Variants in EFCAB5 observed in about 807,000 individuals in gnomAD.
EFCAB5 encodes EF-hand calcium binding domain 5.
EFCAB5 carries 131 observed loss-of-function variants against 167.9 expected under a neutral mutation model. The observed-to-expected ratio is 0.78, with a 90% CI of 0.68 to 0.90. EFCAB5 has a LOEUF of 0.90. Among genes scored for constraint, EFCAB5 ranks in the 40% least tolerant of loss-of-function variants. EFCAB5 has a pLI of 0.00. For synonymous variants in EFCAB5, 574 were observed against 602.8 expected (o/e 0.95, Z 0.70); for missense variants, 1,663 against 1,745.2 (o/e 0.95, Z 0.84).
intron 22 of EFCAB5, among the ~76,000 whole-genome samples, chr17:30,096,983 TATATACATATAC>T (rs71138872): frequency 0.073 from 7,514 of 103,590 alleles, 390 homozygotes; most frequent in South Asian, 0.11. Flanking sequence ...CGGTCACAAT[TATATACATATAC>T]ATATACATAT....
chr17:30,089,683 C>T (rs1025593420), intron 19 of EFCAB5, among the ~76,000 whole-genome samples: 1 of 152,216 alleles, frequency 6.6e-6, no homozygotes, highest in Non-Finnish European at 1.5e-5. Context: ...TCTGGAGGAG[C>T]GCCCTTGAGC....
At position 29,986,946 on chromosome 17, in the gene EFCAB5, C is replaced by T. The variant is rs1005704177; in HGVS notation, c.768-6219C>T. Among the ~76,000 whole-genome samples the T allele has an allele frequency of 3.9e-5, 6 of 152,014 alleles. 1 individual carries two copies. Among genetic ancestry groups the T allele is most frequent in the Non-Finnish European group, 5.9e-5 (4 of 68,002 alleles). On this transcript the variant is annotated intron_variant, in intron 4 of 22. Transcript: ENST00000394835. ...ACAGGCGTGAGCCACCGCGCCCGGC[C>T]GAGTATATTCATTTTGATAAATACT...
intron 4 of EFCAB5, among the ~76,000 whole-genome samples, chr17:29,987,444 T>C (rs1477339120): frequency 6.6e-6 from 1 of 152,226 alleles, no homozygotes; most frequent in African/African-American, 2.4e-5. Context: ...ATTTTACCTA[T>C]TTCCCAACTT....
chr17:30,059,675 G>T lies in EFCAB5; in HGVS notation c.2711G>T (p.Gly904Val), dbSNP rs1263980130. Residue 904 changes from glycine to valine, a missense_variant, in exon 14 of 23, where the codon GGA (glycine) becomes GTA (valine). By Grantham distance (109) the Gly-to-Val change is moderately radical. Coordinates refer to ENST00000394835, the MANE Select transcript of EFCAB5 (RefSeq NM_198529.4). ...GAACTCTTGTACACATACAAGGAGG[G>T]AATGGAAAAAGAATCTATGAAGAAA... Reference protein sequence around the residue: ...VDELLYTYKEGMEKESMKKAK... With the variant: ...VDELLYTYKEVMEKESMKKAK... 1 of 1,593,384 alleles carries T rather than the reference G, an allele frequency of 6.3e-7. No individual in the cohort carries two copies. The highest frequency in any genetic ancestry group is 8.6e-7 in the Non-Finnish European group (1 of 1,168,238).
At chr17:30,037,041 G>A (rs1031010691) in intron 8 of EFCAB5, among the ~76,000 whole-genome samples, 3 of 152,136 alleles carry the variant, frequency 2.0e-5, no homozygotes, top group Non-Finnish European at 4.4e-5. Context: ...GGAAATTCCA[G>A]GTAGGTTGAG....
At chr17:30,049,875 A>G (rs1352717187) in intron 8 of EFCAB5, among the ~76,000 whole-genome samples, 2 of 152,194 alleles carry the variant, frequency 1.3e-5, no homozygotes, top group Non-Finnish European at 2.9e-5. Context: ...TATTTATCCT[A>G]GAGAAACGTT....
chr17:30,094,021 C>A (rs1314047600), intron 22 of EFCAB5, among the ~76,000 whole-genome samples: 1 of 152,150 alleles, frequency 6.6e-6, no homozygotes, highest in African/African-American at 2.4e-5. Context: ...CCCTACTCCA[C>A]GAATCTACCC....
At chr17:30,016,871 A>G (rs896884046) in intron 7 of EFCAB5, among the ~76,000 whole-genome samples, 1 of 152,148 alleles carries the variant, frequency 6.6e-6, no homozygotes, top group South Asian at 2.1e-4. Context: ...TGAAACACAG[A>G]TAAATACAAA....
At chr17:30,018,867 T>C (rs1289954626) in intron 7 of EFCAB5, among the ~76,000 whole-genome samples, 1 of 152,208 alleles carries the variant, frequency 6.6e-6, no homozygotes, top group African/African-American at 2.4e-5. Flanking sequence ...ATTGAGTTTA[T>C]CTATTTGCTT....
rs113617651 is a variant in EFCAB5 at position 30,034,904 on chromosome 17, T to C, written c.1200+519T>C. On this transcript the variant is annotated intron_variant, in intron 8 of 22. Coordinates refer to ENST00000394835, the MANE Select transcript of EFCAB5 (RefSeq NM_198529.4). ...AAGCACAGAAATTTGGGGTTCAAAT[T>C]ATAGTTAGGAGCTTCTCTTTATAAA... is the stretch of plus-strand genomic sequence containing the variant. 1.5e-3 allele frequency among the ~76,000 whole-genome samples: 221 copies of C among 152,284 alleles called. 2 individuals carry two copies. The highest frequency in any genetic ancestry group is 5.0e-3 in the African/African-American group (209 of 41,538).
At chr17:30,032,617 T>C (rs1339984343) in intron 7 of EFCAB5, among the ~76,000 whole-genome samples, 1 of 152,162 alleles carries the variant, frequency 6.6e-6, no homozygotes, top group Non-Finnish European at 1.5e-5. Flanking sequence ...AAAATAATTA[T>C]TATCTTCCTT....
intron 17 of EFCAB5, 22 bp downstream of exon 17, chr17:30,081,003 G>GACATCCTGAAAGAT: frequency 1.9e-6 from 3 of 1,583,322 alleles, no homozygotes; most frequent in Non-Finnish European, 2.6e-6. Flanking sequence ...AAGTCTTCAA[G>GACATCCTGAAAGAT]AGCGATGGTA....
chr17:30,100,958 C>G (rs1056976793), intron 22 of EFCAB5, among the ~76,000 whole-genome samples: 3 of 152,160 alleles, frequency 2.0e-5, no homozygotes, highest in Non-Finnish European at 4.4e-5. Flanking sequence ...CAAATAGCAA[C>G]AAGGAGGCCA....
At chr17:30,041,203 A>G (rs9904823) in intron 8 of EFCAB5, among the ~76,000 whole-genome samples, 822 of 64,334 alleles carry the variant, frequency 0.013, 7 homozygotes, top group Middle Eastern at 0.021. Context: ...AGGAAGGAAG[A>G]AAGGAAAGAA....
At chr17:29,936,851 A>C (rs984163050), upstream of EFCAB5, among the ~76,000 whole-genome samples, 1 of 152,230 alleles carries the variant, frequency 6.6e-6, no homozygotes, top group Non-Finnish European at 1.5e-5. Flanking sequence ...TCTGTAGACT[A>C]TATTATGGCA....
chr17:30,104,634 C>T lies in EFCAB5; in HGVS notation c.4322-3200C>T, dbSNP rs962085370. On this transcript the variant is annotated intron_variant, in intron 22 of 22. Coordinates refer to ENST00000394835, the MANE Select transcript of EFCAB5 (RefSeq NM_198529.4). ...ATTGCAAAGTCTGTGTGAGTGGGGT[C>T]TGTCGTGGGTCAAGCTGCAAAGATC... Among the ~76,000 whole-genome samples the T allele has an allele frequency of 3.2e-4, 49 of 152,048 alleles. 1 individual carries two copies. The highest frequency in any genetic ancestry group is 1.4e-3 in the Admixed American group (22 of 15,256).
chr17:29,931,272 C>T (rs1272760419), intron 1 of EFCAB5, among the ~76,000 whole-genome samples: 1 of 152,078 alleles, frequency 6.6e-6, no homozygotes, highest in African/African-American at 2.4e-5. Flanking sequence ...TTATTAAAAC[C>T]CACCCCCTCC....
intron 3 of EFCAB5, among the ~76,000 whole-genome samples, chr17:29,954,632 T>C (rs1275184786): frequency 1.3e-5 from 2 of 152,210 alleles, no homozygotes; most frequent in Admixed American, 6.5e-5. Flanking sequence ...TAGGGCAGTG[T>C]GGCAGGGAAA....
At chr17:30,021,541 T>C (rs961973226) in intron 7 of EFCAB5, among the ~76,000 whole-genome samples, 2 of 150,480 alleles carry the variant, frequency 1.3e-5, no homozygotes, top group Admixed American at 6.7e-5. Flanking sequence ...TAAACAAATA[T>C]AATTTTGTTT....
Sources: gnomAD v4.1 joint callset for allele counts (sites outside exome capture counted in the v4.1 genomes callset) on GRCh38, gnomAD v4.1.1 for gene constraint, MANE v1.5 for transcripts, NCBI Gene and HGNC (gene_info 2026-07-23, HGNC 2026-07-21) for gene names.